The following CDKAL1 variants were observed in gnomAD, a reference collection of about 807,000 sequenced individuals.
CDKAL1 encodes the protein CDKAL1 threonylcarbamoyladenosine tRNA methylthiotransferase.
In CDKAL1, 32 loss-of-function variants were observed where a neutral mutation model predicts 68.2. The observed-to-expected ratio is 0.47, with a 90% CI of 0.35 to 0.63. CDKAL1 has a LOEUF of 0.63. Among genes scored for constraint, CDKAL1 ranks in the 30% least tolerant of loss-of-function variants. The pLI, the probability that CDKAL1 is intolerant of heterozygous loss-of-function variation, is 0.00. For missense variants in CDKAL1, 606 were observed against 696.7 expected (o/e 0.87, Z 1.47); for synonymous variants, 234 against 244.3 (o/e 0.96, Z 0.39).
chr6:20,642,633 C>T (rs1768235956), intron 4 of CDKAL1, among the ~76,000 whole-genome samples: 2 of 152,080 alleles, frequency 1.3e-5, no homozygotes, highest in Admixed American at 6.5e-5. Flanking sequence ...GTCAAGGCTG[C>T]AGGTAAAGGG....
At position 20,827,551 on chromosome 6, in the gene CDKAL1, A is replaced by G. The variant is rs369732519; in HGVS notation, c.639-18524A>G. On this transcript the variant is annotated intron_variant, in intron 8 of 15. Transcript: ENST00000274695. Reference sequence around the variant, plus strand: ...TTCTATAACTCTTAAGAGATGAACAATTGAAGCTAAACACTTTTCATTATC... The same window carrying G: ...TTCTATAACTCTTAAGAGATGAACAGTTGAAGCTAAACACTTTTCATTATC... Among the ~76,000 whole-genome samples the G allele has an allele frequency of 1.6e-3, 250 of 152,290 alleles. 8 individuals are homozygous for G. In the South Asian group the frequency reaches 0.049, roughly 30 times the overall value.
intron 11 of CDKAL1, among the ~76,000 whole-genome samples, chr6:21,051,974 T>C (rs1475777922): frequency 6.6e-6 from 1 of 152,258 alleles, no homozygotes; most frequent in Non-Finnish European, 1.5e-5. Context: ...CAGACAGTCA[T>C]ATTAAAAGAA....
chr6:20,630,098 A>G (rs1581855185), intron 4 of CDKAL1, among the ~76,000 whole-genome samples: 1 of 151,950 alleles, frequency 6.6e-6, no homozygotes, highest in Non-Finnish European at 1.5e-5. Context: ...CAAACTCCTG[A>G]CCTCAAGTGA....
intron 8 of CDKAL1, among the ~76,000 whole-genome samples, chr6:20,786,806 AT>A (rs1775697188): frequency 6.6e-6 from 1 of 151,582 alleles, no homozygotes; most frequent in African/African-American, 2.4e-5. Flanking sequence ...TGACTCCCTT[AT>A]TTTTTCTAGC....
At chr6:20,831,056 A>G (rs1452844796) in intron 8 of CDKAL1, among the ~76,000 whole-genome samples, 2 of 151,942 alleles carry the variant, frequency 1.3e-5, no homozygotes, top group South Asian at 4.2e-4. Flanking sequence ...ACCCTATAAT[A>G]TTAGGTTGGT....
At chr6:21,123,181 C>T (rs1774815699) in intron 13 of CDKAL1, among the ~76,000 whole-genome samples, 2 of 152,056 alleles carry the variant, frequency 1.3e-5, no homozygotes, top group Non-Finnish European at 1.5e-5. Context: ...TGGCTGGGCA[C>T]GGCATTGGGA....
In CDKAL1 at chr6:20,809,018, A is replaced by G. The variant is rs144773791; in HGVS notation, c.638+27753A>G. Among the ~76,000 whole-genome samples, 1,204 of 152,294 alleles carry G rather than the reference A, an allele frequency of 7.9e-3. 19 individuals are homozygous for G. Among genetic ancestry groups the G allele is most frequent in the African/African-American group, 0.027 (1,127 of 41,544 alleles). On this transcript the variant is annotated intron_variant, in intron 8 of 15. Transcript: ENST00000274695. ...AAGTAAATCTTTTTTGAAGGCAAAG[A>G]CCATACATGCATTTTGGCTCTATTA...
chr6:21,070,399 C>CTT (rs57391327), intron 12 of CDKAL1, among the ~76,000 whole-genome samples: 5 of 139,320 alleles, frequency 3.6e-5, no homozygotes, highest in Admixed American at 1.4e-4. Context: ...TTGTTTCTCT[C>CTT]TTTTTTTTTT....
intron 13 of CDKAL1, among the ~76,000 whole-genome samples, chr6:21,176,781 G>A (rs905381802): frequency 8.0e-5 from 11 of 136,756 alleles, no homozygotes; most frequent in South Asian, 2.4e-4. Flanking sequence ...CGCATCCTCC[G>A]CCACCCGGCT....
intron 5 of CDKAL1, among the ~76,000 whole-genome samples, chr6:20,657,602 T>A (rs148978107): frequency 1.3e-5 from 2 of 152,342 alleles, no homozygotes; most frequent in East Asian, 3.9e-4. Context: ...TCTAAGGGAT[T>A]TACTGTCTTT....
chr6:21,089,497 C>G (rs186497615), intron 12 of CDKAL1, among the ~76,000 whole-genome samples: 42 of 151,996 alleles, frequency 2.8e-4, no homozygotes, highest in African/African-American at 9.2e-4. Flanking sequence ...AACAAAAGTG[C>G]AAATAGCAAA....
chr6:21,116,391 C>T (rs1297937011), intron 13 of CDKAL1, among the ~76,000 whole-genome samples: 2 of 152,150 alleles, frequency 1.3e-5, no homozygotes, highest in Non-Finnish European at 2.9e-5. Context: ...CCATTTAAAG[C>T]ATACCATGTA....
At chr6:20,734,260 A>G (rs142043573) in intron 5 of CDKAL1, among the ~76,000 whole-genome samples, 71 of 152,146 alleles carry the variant, frequency 4.7e-4, no homozygotes, top group African/African-American at 1.6e-3. Flanking sequence ...ATATTACTCA[A>G]GTTAATGCTC....
chr6:20,932,872 T>C (rs1386375286), intron 9 of CDKAL1, among the ~76,000 whole-genome samples: 1 of 152,220 alleles, frequency 6.6e-6, no homozygotes, highest in Non-Finnish European at 1.5e-5. Flanking sequence ...GCTTTTATTA[T>C]ATGTTTGCTA....
chr6:21,145,401 T>G (rs992075553), intron 13 of CDKAL1, among the ~76,000 whole-genome samples: 1 of 152,160 alleles, frequency 6.6e-6, no homozygotes, highest in African/African-American at 2.4e-5. Context: ...TTTCCCCTCC[T>G]CCTGTGAAAC....
chr6:20,915,042 C>T (rs548946531), intron 9 of CDKAL1, among the ~76,000 whole-genome samples: 18 of 151,964 alleles, frequency 1.2e-4, no homozygotes, highest in Middle Eastern at 3.4e-3. Context: ...GTTCTTATAT[C>T]GTATTTACTG....
intron 11 of CDKAL1, among the ~76,000 whole-genome samples, chr6:21,048,753 A>G (rs1770383341): frequency 6.6e-6 from 1 of 151,936 alleles, no homozygotes; most frequent in African/African-American, 2.4e-5. Context: ...ATGTTTAGTT[A>G]CCTTCCAGTT....
chr6:20,795,736 C>T (rs947458879), intron 8 of CDKAL1, among the ~76,000 whole-genome samples: 1 of 152,066 alleles, frequency 6.6e-6, no homozygotes, highest in East Asian at 1.9e-4. Flanking sequence ...TAAAAAGAAA[C>T]ATAAACAAAA....
At chr6:20,753,953 CTGTATGTG>C (rs928230372) in intron 6 of CDKAL1, among the ~76,000 whole-genome samples, 8 of 113,760 alleles carry the variant, frequency 7.0e-5, no homozygotes, top group African/African-American at 2.8e-4. Context: ...TCGTTATTAT[CTGTATGTG>C]TGTGTGTGTG....
Sources: gnomAD v4.1 joint callset for allele counts (sites outside exome capture counted in the v4.1 genomes callset) on GRCh38, gnomAD v4.1.1 for gene constraint, MANE v1.5 for transcripts, NCBI Gene and HGNC (gene_info 2026-07-23, HGNC 2026-07-21) for gene names.